SHROOM1: variants seen among roughly 807,000 people sequenced by gnomAD.
The protein encoded by SHROOM1 is shroom family member 1, also known as protein Shroom1.
In SHROOM1, 53 loss-of-function variants were observed where a neutral mutation model predicts 64.2. That is an observed-to-expected ratio of 0.83 (90% CI 0.66 to 1.04). The LOEUF is 1.04. Among genes scored for constraint, SHROOM1 ranks in the 50% least tolerant of loss-of-function variants. The pLI is 0.00. For synonymous variants in SHROOM1, 490 were observed against 518.9 expected (o/e 0.94, Z 0.76); for missense variants, 1,179 against 1,163.2 (o/e 1.01, Z -0.20).
Position 132,823,050 on chromosome 5 carries a change from G to A in SHROOM1, c.2305C>T (p.Arg769Cys). The part of the protein sequence containing the change: ...AKELKEHVAR[R>C]ERAVREVLVR... ...AGCACCTCCCGCACGGCCCGCTCGC[G>A]CCGCGCTACGTGCTCCTTCAGCTCC... Residue 769 changes from arginine to cysteine, a missense_variant, in exon 10 of 10, where the codon CGC becomes TGC. Transcript: ENST00000378679. The surrounding 1 kb of genome is among the most constrained non-coding windows in gnomAD (Gnocchi z 4.6). 6.3e-7 allele frequency: 1 copy of A among 1,597,076 alleles called. No homozygotes were observed.
In SHROOM1 at chr5:132,825,991, C is replaced by A; in HGVS notation, c.150G>T (p.Pro50=). The A allele has an allele frequency of 6.5e-7, 1 of 1,528,496 alleles. No individual in the cohort carries two copies. Among genetic ancestry groups the A allele is most frequent in the Non-Finnish European group, 8.8e-7 (1 of 1,138,318 alleles). 94.7% of individuals were successfully genotyped at this position (1,528,496 alleles called of 1,614,324 possible). A position where few individuals can be genotyped will look rare whatever the true frequency, so the allele number is the denominator to read the frequency against. ...CTAGGTAAGGAAGGAGGTCTGTCCC[C>A]GGCGACTGCGTGCGCGGCTCGGGGC... The part of the protein sequence containing the change: ...SGGPEPRTQS[P]GTDLLPYLDW... Residue 50 remains proline, a synonymous_variant, in exon 4 of 10, where the codon CCG becomes CCT. Transcript: ENST00000378679. This position sits in a 1 kb window ranked among gnomAD's most constrained non-coding sequence, Gnocchi z 5.1.
chr5:132,822,652 C>G lies in SHROOM1; in HGVS notation c.*144G>C. On this transcript the variant is annotated 3_prime_UTR_variant, in exon 10 of 10. Coordinates refer to ENST00000378679, the MANE Select transcript of SHROOM1 (RefSeq NM_001172700.2). ...TGCTGGGATTACAGGCGTGAGCCAC[C>G]GCGCCCGGCTGGAGGAGTATCTTAG... The G allele has an allele frequency of 1.0e-6, 1 of 998,794 alleles. No homozygotes were observed. The highest frequency in any genetic ancestry group is 1.4e-6 in the Non-Finnish European group (1 of 693,354). The allele number at this position is 998,794 out of a possible 1,614,324, so 61.9% of individuals were successfully genotyped here.
Position 132,822,670 on chromosome 5 carries a change from T to C in SHROOM1, c.*126A>G. ...GAGCCACCGCGCCCGGCTGGAGGAG[T>C]ATCTTAGAAAGGCCTGGACTGGGTC... On this transcript the variant is annotated 3_prime_UTR_variant, in exon 10 of 10. Coordinates refer to ENST00000378679, the MANE Select transcript of SHROOM1 (RefSeq NM_001172700.2). 8.7e-7 allele frequency: 1 copy of C among 1,147,278 alleles called. No homozygotes were observed. The highest frequency in any genetic ancestry group is 1.7e-5 in the South Asian group (1 of 60,196). 71.1% of individuals were successfully genotyped at this position (1,147,278 alleles called of 1,614,324 possible). A position where few individuals can be genotyped will look rare whatever the true frequency, so the allele number is the denominator to read the frequency against.
Position 132,823,934 on chromosome 5 carries a change from A to G in SHROOM1, c.1727T>C (p.Leu576Pro), listed in dbSNP as rs1184985759. Residue 576 changes from leucine to proline, a missense_variant, in exon 7 of 10, where the codon CTG (leucine) becomes CCG (proline). By Grantham distance (98) the Leu-to-Pro change is moderately conservative. Coordinates refer to ENST00000378679, the MANE Select transcript of SHROOM1 (RefSeq NM_001172700.2). This position sits in a 1 kb window ranked among gnomAD's most constrained non-coding sequence, Gnocchi z 4.6. ...PEPPLGLLDG[L>P]IPLAEVRAAM... ...AGCCCGGACCTCTGCTAAAGGAATC[A>G]GTCCATCCAGCAGGCCCAGGGGTGG... The G allele has an allele frequency of 6.3e-7, 1 of 1,578,758 alleles. No homozygotes were observed. Among genetic ancestry groups the G allele is most frequent in the East Asian group, 2.2e-5 (1 of 44,668 alleles).
Position 132,822,840 on chromosome 5 carries a change from TC to T in SHROOM1, c.2514del (p.Thr839ProfsTer38). 2 of 1,612,568 alleles carry T rather than the reference TC, an allele frequency of 1.2e-6. No homozygotes were observed. The highest frequency in any genetic ancestry group is 1.7e-6 in the Non-Finnish European group (2 of 1,179,624). ...AAGGGCGGCTGAACTGGAGGACAGG[TC>T]CCTGGGGGCCGCGCCGGGCTGGGAG... ...APSPSPARPP[G>X]TCPPVQPPFP... On this transcript the variant is annotated frameshift_variant, in exon 10 of 10. Coordinates refer to ENST00000378679, the MANE Select transcript of SHROOM1 (RefSeq NM_001172700.2). LOFTEE classifies it high-confidence loss of function.
intron 1 of SHROOM1, chr5:132,829,966 G>A (rs893166946): frequency 1.0e-6 from 1 of 985,380 alleles, no homozygotes; most frequent in African/African-American, 1.7e-5. Flanking sequence ...GCCATGCACA[G>A]GAAATGCAGG....
At position 132,830,287 on chromosome 5, in the gene SHROOM1, C is replaced by T. The variant is rs1481313889; in HGVS notation, c.-501+307G>A. The stretch of plus-strand genomic sequence containing the variant: ...GGAGCGGAGGGTGGCGGAGTGAGAC[C>T]GCGCTGCCCGCCGGCGCCACACGCG... On this transcript the variant is annotated intron_variant, in intron 1 of 9. Coordinates refer to ENST00000378679, the MANE Select transcript of SHROOM1 (RefSeq NM_001172700.2). The surrounding 1 kb of genome is among the most constrained non-coding windows in gnomAD (Gnocchi z 5.9). The T allele has an allele frequency of 1.0e-6, 1 of 985,252 alleles. No homozygotes were observed. The highest frequency in any genetic ancestry group is 1.7e-5 in the African/African-American group (1 of 57,326). 61.0% of individuals were successfully genotyped at this position (985,252 alleles called of 1,614,324 possible).
intron 1 of SHROOM1, 78 bp from the exon 2 acceptor site, chr5:132,827,685 A>T (rs1487415896): frequency 6.6e-6 from 1 of 152,308 alleles, no homozygotes; most frequent in South Asian, 2.1e-4. Context: ...GAAATAACAG[A>T]TTTGCAGGGA....
chr5:132,826,091 G>C lies in SHROOM1; in HGVS notation c.50C>G (p.Thr17Ser), dbSNP rs1325071840. ...CAGATGCCACAGGTCCAGGCTGCTA[G>C]TGGACGAGGCCGGGGAGGCGCGGTC... ...GGDRASPASS[T>S]SSLDLWHLSM... is the part of the protein sequence containing the mutation. The change falls in exon 4 of 10, where the codon ACT becomes AGT. Residue 17 changes from threonine (T) to serine (S), a missense_variant. Transcript: ENST00000378679. The C allele has an allele frequency of 1.1e-5, 16 of 1,412,240 alleles. No individual in the cohort carries two copies. Among genetic ancestry groups the C allele is most frequent in the African/African-American group, 1.5e-5 (1 of 67,738 alleles). 87.5% of individuals were successfully genotyped at this position (1,412,240 alleles called of 1,614,324 possible).
Position 132,822,769 on chromosome 5 carries a change from G to A in SHROOM1, c.*27C>T, listed in dbSNP as rs1246995180. The A allele has an allele frequency of 2.6e-6, 4 of 1,546,158 alleles. No homozygotes were observed. Among genetic ancestry groups the A allele is most frequent in the Admixed American group, 2.0e-5 (1 of 51,182 alleles). Reference sequence around the variant, plus strand: ...ACTTACGTGGGTGAGAGATAGGGGCGGTGCACCCCACCCTCTCCACCTATA... The same window carrying A: ...ACTTACGTGGGTGAGAGATAGGGGCAGTGCACCCCACCCTCTCCACCTATA... On this transcript the variant is annotated 3_prime_UTR_variant, in exon 10 of 10. Transcript: ENST00000378679.
In SHROOM1 at chr5:132,822,671, A is replaced by T. The variant is rs1758481397; in HGVS notation, c.*125T>A. The T allele has an allele frequency of 8.6e-7, 1 of 1,167,292 alleles. No homozygotes were observed. The highest frequency in any genetic ancestry group is 2.6e-5 in the East Asian group (1 of 38,402). 72.3% of individuals were successfully genotyped at this position (1,167,292 alleles called of 1,614,324 possible). A position where few individuals can be genotyped will look rare whatever the true frequency, so the allele number is the denominator to read the frequency against. On this transcript the variant is annotated 3_prime_UTR_variant, in exon 10 of 10. Transcript: ENST00000378679. Reference sequence around the variant, plus strand: ...AGCCACCGCGCCCGGCTGGAGGAGTATCTTAGAAAGGCCTGGACTGGGTCC... The same window carrying T: ...AGCCACCGCGCCCGGCTGGAGGAGTTTCTTAGAAAGGCCTGGACTGGGTCC...
At position 132,830,226 on chromosome 5, in the gene SHROOM1, G is replaced by A. The variant is rs1050539856; in HGVS notation, c.-501+368C>T. The A allele has an allele frequency of 1.0e-5, 10 of 985,220 alleles. No individual in the cohort carries two copies. Among genetic ancestry groups the A allele is most frequent in the Non-Finnish European group, 1.2e-5 (10 of 829,902 alleles). 61.0% of individuals were successfully genotyped at this position (985,220 alleles called of 1,614,324 possible). A position where few individuals can be genotyped will look rare whatever the true frequency, so the allele number is the denominator to read the frequency against. On this transcript the variant is annotated intron_variant, in intron 1 of 9. Transcript: ENST00000378679. The surrounding 1 kb of genome is among the most constrained non-coding windows in gnomAD (Gnocchi z 5.9). ...GGACAGCGCGAGCCCGGGAGGGAAG[G>A]ACCCGGCTTCTCCAGATGCTTGGCG...
At position 132,823,724 on chromosome 5, in the gene SHROOM1, G is replaced by T; in HGVS notation, c.1852C>A (p.Arg618=). The change falls in exon 8 of 10, where the codon CGG becomes AGG. Residue 618 remains arginine, a synonymous_variant. Transcript: ENST00000378679. The surrounding 1 kb of genome is among the most constrained non-coding windows in gnomAD (Gnocchi z 4.6). ...GGGTTTTCAAGCCTTGTCTCCTCCC[G>T]AGGAGCCGGCAGGAGCTGGGTGAAG... ...FSFTQLLPAP[R]EETRLENPAT... The T allele has an allele frequency of 6.2e-7, 1 of 1,609,190 alleles. No individual in the cohort carries two copies. Among genetic ancestry groups the T allele is most frequent in the Non-Finnish European group, 8.5e-7 (1 of 1,177,804 alleles).
chr5:132,823,178 C>T lies in SHROOM1; in HGVS notation c.2227-50G>A. 6.5e-7 allele frequency: 1 copy of T among 1,547,388 alleles called. No homozygotes were observed. Among genetic ancestry groups the T allele is most frequent in the Non-Finnish European group, 8.7e-7 (1 of 1,155,826 alleles). ...TGAGCCGGGTGAGGGCGCCGCCGCT[C>T]CCGGAATGGTTCCAGCCGGAGACAG... On this transcript the variant is annotated intron_variant, in intron 9 of 9. Coordinates refer to ENST00000378679, the MANE Select transcript of SHROOM1 (RefSeq NM_001172700.2). The surrounding 1 kb of genome is among the most constrained non-coding windows in gnomAD (Gnocchi z 4.6).
chr5:132,824,582 G>T (rs746805388), intron 6 of SHROOM1, 33 bp downstream of exon 6: 18 of 1,585,732 alleles, frequency 1.1e-5, no homozygotes, highest in Non-Finnish European at 1.6e-5. Context: ...GTCAGGGGGT[G>T]CCTCACGATG....
At chr5:132,827,650 C>CT (rs1758746448) in intron 1 of SHROOM1, 43 bp from the exon 2 acceptor site, 1 of 113,756 alleles carries the variant, frequency 8.8e-6, no homozygotes, top group Non-Finnish European at 2.1e-5. Flanking sequence ...AAAACAAAAC[C>CT]CCAAATATTT....
chr5:132,823,639 C>T lies in SHROOM1; in HGVS notation c.1937G>A (p.Ser646Asn), dbSNP rs1758538718. 3.8e-6 allele frequency: 6 copies of T among 1,597,914 alleles called. No individual in the cohort carries two copies. Among genetic ancestry groups the T allele is most frequent in the Non-Finnish European group, 5.1e-6 (6 of 1,171,802 alleles). ...CGQGLPAPNN[S>N]IQGKKVELAA... ...TCCACTCACTTTCTTGCCCTGGATG[C>T]TGTTGTTTGGTGCAGGGAGCCCCTG... The change falls in exon 8 of 10, where the codon AGC becomes AAC. Residue 646 changes from serine to asparagine, a missense_variant. By Grantham distance (46) the Ser-to-Asn change is conservative (BLOSUM62 1). Coordinates refer to ENST00000378679, the MANE Select transcript of SHROOM1 (RefSeq NM_001172700.2). The surrounding 1 kb of genome is among the most constrained non-coding windows in gnomAD (Gnocchi z 4.6).
At chr5:132,829,126 A>G (rs1758780748) in intron 1 of SHROOM1, among the ~76,000 whole-genome samples, 1 of 152,236 alleles carries the variant, frequency 6.6e-6, no homozygotes. Flanking sequence ...TCTCCAGAGC[A>G]GAGGGAGCAA....
In SHROOM1 at chr5:132,822,810, G is replaced by A. The variant is rs1035964680; in HGVS notation, c.2545C>T (p.Leu849Phe). ...TCCACCTATAACTATGTAAGGAGAA[G>A]AGGGAAGGGCGGCTGAACTGGAGGA... ...TCPPVQPPFP[L>F]LLT Residue 849 changes from leucine to phenylalanine, a missense_variant, in exon 10 of 10, where the codon CTT becomes TTT. Physicochemically the swap from Leu to Phe is conservative, Grantham distance 22. Coordinates refer to ENST00000378679, the MANE Select transcript of SHROOM1 (RefSeq NM_001172700.2). 5 of 1,606,824 alleles carry A rather than the reference G, an allele frequency of 3.1e-6. No homozygotes were observed. The highest frequency in any genetic ancestry group is 3.4e-6 in the Non-Finnish European group (4 of 1,176,996).
Sources: gnomAD v4.1 joint callset for allele counts (sites outside exome capture counted in the v4.1 genomes callset) on GRCh38, gnomAD v4.1.1 for gene constraint, Gnocchi (gnomAD v3.1) non-coding constraint, MANE v1.5 for transcripts, NCBI Gene and HGNC (gene_info 2026-07-23, HGNC 2026-07-21) for gene names.